Variants in MYRIP observed in about 807,000 individuals in gnomAD.
MYRIP encodes myosin VIIA and Rab interacting protein, also known as rab effector MyRIP.
Under a neutral mutation model 98.0 loss-of-function variants are expected in MYRIP, and 49 were observed. The observed-to-expected ratio is 0.50, with a 90% CI of 0.40 to 0.63. The LOEUF is 0.63. MYRIP is among the 30% of genes least tolerant of loss of function. The probability of loss-of-function intolerance (pLI) is 0.00; values close to 1 mark genes in which losing one functional copy is unlikely to be tolerated. For synonymous variants in MYRIP, 404 were observed against 409.5 expected, an observed-to-expected ratio of 0.99 and a Z score of 0.16; for missense variants, 1,004 against 1,058.2, an observed-to-expected ratio of 0.95 and a Z score of 0.71.
intron 3 of MYRIP, among the ~76,000 whole-genome samples, chr3:40,059,505 G>A (rs1010117259): frequency 6.6e-6 from 1 of 152,058 alleles, no homozygotes; most frequent in Non-Finnish European, 1.5e-5. Context: ...TCTTGTTGTG[G>A]TTTTGATTTG....
At chr3:39,920,850 G>C (rs940486905) in intron 2 of MYRIP, among the ~76,000 whole-genome samples, 1 of 152,140 alleles carries the variant, frequency 6.6e-6, no homozygotes, top group African/African-American at 2.4e-5. Context: ...TCCCTCCTGG[G>C]CTGGTTCTTC....
At chr3:40,196,963 G>A (rs1951409189) in intron 10 of MYRIP, among the ~76,000 whole-genome samples, 1 of 152,172 alleles carries the variant, frequency 6.6e-6, no homozygotes, top group Admixed American at 6.5e-5. Context: ...CTGAAAGCAG[G>A]AGTCCTTTCT....
intron 8 of MYRIP, among the ~76,000 whole-genome samples, chr3:40,175,657 C>T (rs532650921): frequency 6.6e-6 from 1 of 152,364 alleles, no homozygotes; most frequent in South Asian, 2.1e-4. Context: ...ATATGGTAGA[C>T]AGGGTCAGCT....
intron 1 of MYRIP, among the ~76,000 whole-genome samples, chr3:39,889,571 C>T (rs1359026704): frequency 2.0e-5 from 3 of 152,184 alleles, no homozygotes; most frequent in African/African-American, 7.2e-5. Flanking sequence ...GGAGATATAC[C>T]TAATGCTAGA....
At chr3:40,119,923 A>AAAATAAATAAAT (rs541090121) in intron 3 of MYRIP, among the ~76,000 whole-genome samples, 1 of 151,696 alleles carries the variant, frequency 6.6e-6, no homozygotes, top group African/African-American at 2.4e-5. Flanking sequence ...TAATAATAAT[A>AAAATAAATAAAT]AAATAAATAA....
intron 12 of MYRIP, among the ~76,000 whole-genome samples, chr3:40,235,205 T>C (rs1001842909): frequency 1.3e-5 from 2 of 152,190 alleles, no homozygotes; most frequent in Non-Finnish European, 2.9e-5. Context: ...CAGACTGCCA[T>C]GGTTCCCGCT....
At chr3:40,174,648 T>A (rs1950709040) in intron 8 of MYRIP, 1 of 151,408 alleles carries the variant, frequency 6.6e-6, no homozygotes, top group South Asian at 2.1e-4. Context: ...GGCTGATTGA[T>A]GGCAGAACAA....
chr3:40,160,736 G>A lies in MYRIP; in HGVS notation c.470-1994G>A, dbSNP rs190072347. Among the ~76,000 whole-genome samples the A allele has an allele frequency of 3.5e-3, 531 of 152,294 alleles. 4 individuals carry two copies. The highest frequency in any genetic ancestry group is 0.012 in the African/African-American group (509 of 41,558). On this transcript the variant is annotated intron_variant, in intron 4 of 16. Transcript: ENST00000302541. ...AGCCTGTCGGAAAAGCGCAGTATTC[G>A]GGTGGGAGTGACCCGATTTTCCAGG... is the stretch of plus-strand genomic sequence containing the variant.
At chr3:40,061,274 C>T (rs1559384373) in intron 3 of MYRIP, among the ~76,000 whole-genome samples, 1 of 152,176 alleles carries the variant, frequency 6.6e-6, no homozygotes, top group African/African-American at 2.4e-5. Flanking sequence ...CTGTTTTTCC[C>T]TTCCTCGTGT....
At chr3:40,212,848 G>T (rs993119668) in intron 11 of MYRIP, among the ~76,000 whole-genome samples, 2 of 152,078 alleles carry the variant, frequency 1.3e-5, no homozygotes, top group East Asian at 3.8e-4. Flanking sequence ...AACCCAGGAG[G>T]TTGAGGCTGC....
chr3:40,037,322 G>T (rs1201629699), intron 2 of MYRIP, among the ~76,000 whole-genome samples: 1 of 151,998 alleles, frequency 6.6e-6, no homozygotes, highest in Non-Finnish European at 1.5e-5. Context: ...GAAGTAAAGG[G>T]ACTTCCTTGT....
At position 40,211,040 on chromosome 3, in the gene MYRIP, C is replaced by A. The variant is rs575259427; in HGVS notation, c.1905+947C>A. 8.6e-4 allele frequency among the ~76,000 whole-genome samples: 131 copies of A among 152,240 alleles called. 1 individual carries two copies. The highest frequency in any genetic ancestry group is 3.0e-3 in the African/African-American group (126 of 41,536). ...ACATGTTCATTAGGTCCTTAAATAA[C>A]CCTTTGAAATAGAAGCAGCCCATTT... On this transcript the variant is annotated intron_variant, in intron 11 of 16. Coordinates refer to ENST00000302541, the MANE Select transcript of MYRIP (RefSeq NM_015460.4).
chr3:40,133,738 A>T (rs1358304070), intron 3 of MYRIP, among the ~76,000 whole-genome samples: 2 of 152,160 alleles, frequency 1.3e-5, no homozygotes, highest in African/African-American at 4.8e-5. Flanking sequence ...CTCCAAAAAC[A>T]GGGGGAAAAA....
chr3:39,970,398 A>G (rs888779146), intron 2 of MYRIP: 4 of 152,158 alleles, frequency 2.6e-5, no homozygotes, highest in Admixed American at 2.6e-4. Flanking sequence ...AGGGAAATAG[A>G]TAAGAGATTG....
Position 39,855,550 on chromosome 3 carries a change from G to A in MYRIP, c.-30-45237G>A, listed in dbSNP as rs147121573. Among the ~76,000 whole-genome samples the A allele has an allele frequency of 1.5e-3, 232 of 152,110 alleles. 2 individuals are homozygous for A. Among genetic ancestry groups the A allele is most frequent in the Middle Eastern group, 3.4e-3 (1 of 294 alleles). On this transcript the variant is annotated intron_variant, in intron 1 of 16. Coordinates refer to ENST00000302541, the MANE Select transcript of MYRIP (RefSeq NM_015460.4). ...AGGGGGTGGTTCTCAGGCCAATGGG[G>A]TTATGTTCCAGAGGGGATCATGGCT...
At chr3:40,192,201 T>G (rs1951233815) in intron 10 of MYRIP, among the ~76,000 whole-genome samples, 1 of 148,224 alleles carries the variant, frequency 6.7e-6, no homozygotes, top group Admixed American at 6.7e-5. Context: ...AAACGATCCT[T>G]CTACTCAACC....
intron 2 of MYRIP, among the ~76,000 whole-genome samples, chr3:40,026,104 A>G (rs1196056245): frequency 1.3e-5 from 2 of 152,118 alleles, no homozygotes; most frequent in Admixed American, 6.5e-5. Context: ...TCTCAGCCGC[A>G]TAAGATAGAC....
intron 2 of MYRIP, among the ~76,000 whole-genome samples, chr3:39,954,411 G>C (rs1945105534): frequency 6.6e-6 from 1 of 152,110 alleles, no homozygotes; most frequent in Non-Finnish European, 1.5e-5. Flanking sequence ...ACATGGTCTG[G>C]AGTGGACCTC....
At chr3:40,131,484 A>G (rs1005824761) in intron 3 of MYRIP, among the ~76,000 whole-genome samples, 5 of 152,172 alleles carry the variant, frequency 3.3e-5, no homozygotes, top group African/African-American at 1.2e-4. Context: ...ACATGACTTA[A>G]TATCAAACAC....
Sources: gnomAD v4.1 joint callset for allele counts (sites outside exome capture counted in the v4.1 genomes callset) on GRCh38, gnomAD v4.1.1 for gene constraint, MANE v1.5 for transcripts, NCBI Gene and HGNC (gene_info 2026-07-23, HGNC 2026-07-21) for gene names.